The following NCOA1 variants were observed in gnomAD, a reference collection of about 807,000 sequenced individuals.
The protein encoded by NCOA1 is Hin-2 protein.
Under a neutral mutation model 150.9 loss-of-function variants are expected in NCOA1, and 35 were observed. The ratio of observed to expected loss-of-function variants is 0.23; its 90% CI spans 0.18 to 0.31. NCOA1 has a LOEUF of 0.31. Ranked by LOEUF, NCOA1 falls within the 10% of genes least tolerant of loss-of-function variation. NCOA1 has a pLI of 1.00. For synonymous variants in NCOA1, 590 were observed against 630.0 expected (o/e 0.94, Z 0.95); for missense variants, 1,491 against 1,749.3 (o/e 0.85, Z 2.63).
At chr2:24,645,606 C>T (rs934390104) in intron 4 of NCOA1, among the ~76,000 whole-genome samples, 25 of 151,696 alleles carry the variant, frequency 1.6e-4, no homozygotes, top group South Asian at 2.1e-4. Flanking sequence ...TGTATTTACA[C>T]GTTGAGTGCC....
rs143576038 is a variant in NCOA1, at chr2:24,492,903, T to C, written c.-396+1301T>C. Among the ~76,000 whole-genome samples the C allele has an allele frequency of 4.7e-3, 715 of 150,780 alleles. 6 individuals carry two copies. The highest frequency in any genetic ancestry group is 7.8e-3 in the Non-Finnish European group (528 of 67,866). On this transcript the variant is annotated intron_variant, in intron 1 of 22. Coordinates refer to ENST00000348332, the MANE Select transcript of NCOA1 (RefSeq NM_003743.5). Reference sequence around the variant, plus strand: ...TTATATGATACAGTTGAGGGATGGATCTCAAGGGTTAAATTTGTTTGAGGT... The same window carrying C: ...TTATATGATACAGTTGAGGGATGGACCTCAAGGGTTAAATTTGTTTGAGGT...
intron 4 of NCOA1, among the ~76,000 whole-genome samples, chr2:24,645,112 G>T (rs1670408535): frequency 6.6e-6 from 1 of 152,112 alleles, no homozygotes; most frequent in Non-Finnish European, 1.5e-5. Context: ...CTCTCAGTTG[G>T]CAGAGAGCTT....
intron 3 of NCOA1, among the ~76,000 whole-genome samples, chr2:24,607,658 C>G (rs1198234113): frequency 1.3e-5 from 2 of 151,494 alleles, no homozygotes; most frequent in African/African-American, 4.9e-5. Flanking sequence ...CTACTGCACT[C>G]CAGCCTGGAT....
chr2:24,697,564 A>C, intron 10 of NCOA1, 94 bp from the exon 11 acceptor site: 1 of 1,123,812 alleles, frequency 8.9e-7, no homozygotes, highest in Non-Finnish European at 1.3e-6. Context: ...GAGTATTTGG[A>C]AAGAATATTT....
chr2:24,644,372 A>C (rs1190438023), intron 4 of NCOA1, among the ~76,000 whole-genome samples: 1 of 152,188 alleles, frequency 6.6e-6, no homozygotes, highest in Non-Finnish European at 1.5e-5. Flanking sequence ...TACTGAATTG[A>C]AAATGGCAGC....
chr2:24,715,418 A>G (rs968242592), intron 14 of NCOA1, among the ~76,000 whole-genome samples: 1 of 152,198 alleles, frequency 6.6e-6, no homozygotes, highest in African/African-American at 2.4e-5. Flanking sequence ...AAATAGTATA[A>G]TATTTGAGGC....
intron 1 of NCOA1, among the ~76,000 whole-genome samples, chr2:24,563,855 G>C (rs1413568958): frequency 6.6e-6 from 1 of 152,144 alleles, no homozygotes; most frequent in Non-Finnish European, 1.5e-5. Context: ...CACTTCCAGT[G>C]GCCTAGGACG....
chr2:24,722,068 G>A lies in NCOA1; in HGVS notation c.2600-4521G>A, dbSNP rs143570969. On this transcript the variant is annotated intron_variant, in intron 14 of 22. Coordinates refer to ENST00000348332, the MANE Select transcript of NCOA1 (RefSeq NM_003743.5). Reference sequence around the variant, plus strand: ...TTGAACCACAAGTCTCCTTGGGTTCGTTTACAAATGAGAAAACAAAGGTCC... The same window carrying A: ...TTGAACCACAAGTCTCCTTGGGTTCATTTACAAATGAGAAAACAAAGGTCC... Among the ~76,000 whole-genome samples, 187 of 152,164 alleles carry A rather than the reference G, an allele frequency of 1.2e-3. 1 individual carries two copies. Among genetic ancestry groups the A allele is most frequent in the Non-Finnish European group, 1.8e-3 (122 of 68,010 alleles).
intron 19 of NCOA1, among the ~76,000 whole-genome samples, chr2:24,743,349 C>G (rs183413243): frequency 6.6e-6 from 1 of 152,182 alleles, no homozygotes; most frequent in African/African-American, 2.4e-5. Flanking sequence ...AGTTTCCATT[C>G]TGATGGTAGC....
At chr2:24,612,675 G>C (rs1019813834) in intron 3 of NCOA1, among the ~76,000 whole-genome samples, 2 of 151,938 alleles carry the variant, frequency 1.3e-5, no homozygotes, top group African/African-American at 4.8e-5. Context: ...GCTTGGTCCA[G>C]TCTATTGATA....
intron 3 of NCOA1, among the ~76,000 whole-genome samples, chr2:24,602,959 T>C (rs1186302274): frequency 1.3e-5 from 2 of 152,202 alleles, no homozygotes; most frequent in African/African-American, 2.4e-5. Context: ...TTACTGCGTA[T>C]GTATCTATTC....
intron 3 of NCOA1, among the ~76,000 whole-genome samples, chr2:24,591,643 A>G (rs959593366): frequency 1.3e-5 from 2 of 152,090 alleles, no homozygotes; most frequent in African/African-American, 4.8e-5. Context: ...CAATCCCTCT[A>G]ATATGCCAAG....
intron 14 of NCOA1, among the ~76,000 whole-genome samples, chr2:24,713,189 C>T (rs1356021049): frequency 6.6e-6 from 1 of 152,040 alleles, no homozygotes; most frequent in African/African-American, 2.4e-5. Context: ...TGAGATCGTG[C>T]CATTGCACTC....
intron 21 of NCOA1, among the ~76,000 whole-genome samples, chr2:24,759,890 A>G (rs1664694150): frequency 1.3e-5 from 2 of 151,892 alleles, no homozygotes; most frequent in South Asian, 4.1e-4. Flanking sequence ...ATATTTATAT[A>G]TGTTCTGTTC....
In NCOA1 at chr2:24,697,788, G is replaced by T. The variant is rs200005225; in HGVS notation, c.939G>T (p.Leu313=). Residue 313 remains leucine, a synonymous_variant, in exon 11 of 23, where the codon CTG becomes CTT. Transcript: ENST00000348332. ...QGREPSYARQ[L]FQEVMTRGTA... is the part of the protein sequence containing the mutation. Reference sequence around the variant, plus strand: ...GAGAACCATCTTATGCCAGACAGCTGTTCCAAGAAGGTAAAATTTTCTCTC... The same window carrying T: ...GAGAACCATCTTATGCCAGACAGCTTTTCCAAGAAGGTAAAATTTTCTCTC... The T allele has an allele frequency of 6.2e-6, 10 of 1,612,536 alleles. No individual in the cohort carries two copies. In the African/African-American group the frequency reaches 1.3e-4, roughly 22 times the overall value.
At chr2:24,657,733 A>G (rs907966112) in intron 4 of NCOA1, among the ~76,000 whole-genome samples, 3 of 152,226 alleles carry the variant, frequency 2.0e-5, no homozygotes, top group Non-Finnish European at 4.4e-5. Flanking sequence ...CTGCTAACAT[A>G]CAGTGCTGTA....
chr2:24,753,266 A>C (rs1324870530), intron 20 of NCOA1, among the ~76,000 whole-genome samples: 1 of 151,296 alleles, frequency 6.6e-6, no homozygotes, highest in Non-Finnish European at 1.5e-5. Flanking sequence ...TCCCTTGCCT[A>C]TCTCTCCCTC....
chr2:24,559,143 T>C (rs1213159196), intron 1 of NCOA1, among the ~76,000 whole-genome samples: 1 of 152,174 alleles, frequency 6.6e-6, no homozygotes, highest in Non-Finnish European at 1.5e-5. Context: ...TTTTTAGCTT[T>C]CATATTTTAC....
At chr2:24,607,598 G>T (rs1198534377) in intron 3 of NCOA1, among the ~76,000 whole-genome samples, 1 of 152,080 alleles carries the variant, frequency 6.6e-6, no homozygotes, top group Non-Finnish European at 1.5e-5. Flanking sequence ...GCTGAGACAG[G>T]AGAATGGCGT....
Sources: gnomAD v4.1 joint callset for allele counts (sites outside exome capture counted in the v4.1 genomes callset) on GRCh38, gnomAD v4.1.1 for gene constraint, MANE v1.5 for transcripts, NCBI Gene and HGNC (gene_info 2026-07-23, HGNC 2026-07-21) for gene names.